LEMD2: variants seen among roughly 807,000 people sequenced by gnomAD.
The protein encoded by LEMD2 is LEM domain nuclear envelope protein 2, also known as LEM domain-containing protein 2.
A neutral mutation model predicts 58.8 loss-of-function variants in LEMD2; 34 were observed. The observed-to-expected ratio is 0.58, with a 90% CI of 0.44 to 0.77. LEMD2 has a LOEUF of 0.77. Ranked by LOEUF, LEMD2 falls within the 30% of genes least tolerant of loss-of-function variation. LEMD2 has a pLI of 0.00. For missense variants in LEMD2, 629 were observed against 717.9 expected (o/e 0.88, Z 1.42); for synonymous variants, 298 against 308.9 (o/e 0.96, Z 0.37).
rs752276518 is a variant in LEMD2 at position 33,778,254 on chromosome 6, T to G, written c.1144A>C (p.Ile382Leu). Residue 382 changes from isoleucine to leucine, a missense_variant, in exon 6 of 9, where the codon ATC (isoleucine) becomes CTC (leucine). Transcript: ENST00000293760. The surrounding 1 kb of genome is among the most constrained non-coding windows in gnomAD (Gnocchi z 4.7). Reference protein sequence around the residue: ...ALLTAVTNVLIFFWCLAFLWG... With the variant: ...ALLTAVTNVLLFFWCLAFLWG... Reference sequence around the variant, plus strand: ...GCCGAGGACTTACACCAGAAGAAGATGAGCACGTTGGTGACAGCAGTGAGC... The same window carrying G: ...GCCGAGGACTTACACCAGAAGAAGAGGAGCACGTTGGTGACAGCAGTGAGC... The G allele has an allele frequency of 6.3e-7, 1 of 1,597,714 alleles. No individual in the cohort carries two copies. The highest frequency in any genetic ancestry group is 8.5e-7 in the Non-Finnish European group (1 of 1,171,106).
chr6:33,778,316 G>T lies in LEMD2; in HGVS notation c.1082C>A (p.Pro361His). Residue 361 changes from proline to histidine, a missense_variant, in exon 6 of 9, where the codon CCC (proline) becomes CAC (histidine). Transcript: ENST00000293760. This position sits in a 1 kb window ranked among gnomAD's most constrained non-coding sequence, Gnocchi z 4.7. Reference sequence around the variant, plus strand: ...CAGGCGGCAGCCAACACCCATGCGGGGGTGGGCAGATTCCAGGCAGACCAC... The same window carrying T: ...CAGGCGGCAGCCAACACCCATGCGGTGGTGGGCAGATTCCAGGCAGACCAC... ...DKVVCLESAH[P>H]RMGVGCRLSR... 1 of 1,608,698 alleles carries T rather than the reference G, an allele frequency of 6.2e-7. No homozygotes were observed. Among genetic ancestry groups the T allele is most frequent in the Admixed American group, 1.7e-5 (1 of 59,268 alleles).
At chr6:33,784,195 G>A (rs558042832) in intron 3 of LEMD2, among the ~76,000 whole-genome samples, 157 bp downstream of exon 3, 180 of 152,360 alleles carry the variant, frequency 1.2e-3, no homozygotes, top group African/African-American at 4.2e-3. Context: ...CCTGAGTGAG[G>A]AGGCGAGAAG....
intron 7 of LEMD2, 31 bp downstream of exon 7, chr6:33,777,107 G>A: frequency 6.2e-7 from 1 of 1,609,366 alleles, no homozygotes; most frequent in Non-Finnish European, 8.5e-7. Context: ...GCTGGCGTCG[G>A]CAACCCTTTA....
intron 7 of LEMD2, 36 bp downstream of exon 7, chr6:33,777,102 C>A: frequency 6.2e-7 from 1 of 1,610,134 alleles, no homozygotes; most frequent in Non-Finnish European, 8.5e-7. Context: ...CTCTGGCTGG[C>A]GTCGGCAACC....
At chr6:33,780,755 C>T (rs953679193) in intron 4 of LEMD2, among the ~76,000 whole-genome samples, 7 of 152,178 alleles carry the variant, frequency 4.6e-5, no homozygotes, top group African/African-American at 9.7e-5. Flanking sequence ...GGAGAAGGGA[C>T]AGCATGTTTC....
Position 33,778,242 on chromosome 6 carries a change from A to G in LEMD2, c.1156T>C (p.Cys386Arg). The change falls in exon 6 of 9, where the codon TGC becomes CGC. Residue 386 changes from cysteine to arginine, a missense_variant and splice_region_variant. Physicochemically the swap from Cys to Arg is radical, Grantham distance 180. Coordinates refer to ENST00000293760, the MANE Select transcript of LEMD2 (RefSeq NM_181336.4). This position sits in a 1 kb window ranked among gnomAD's most constrained non-coding sequence, Gnocchi z 4.7. ...AVTNVLIFFW[C>R]LAFLWGLLIL... ...GGAGGGAAGGCGGCCGAGGACTTAC[A>G]CCAGAAGAAGATGAGCACGTTGGTG... 6.3e-7 allele frequency: 1 copy of G among 1,591,586 alleles called. No individual in the cohort carries two copies. The highest frequency in any genetic ancestry group is 8.6e-7 in the Non-Finnish European group (1 of 1,167,674).
At chr6:33,782,538 A>G (rs998737131) in intron 3 of LEMD2, among the ~76,000 whole-genome samples, 1 of 152,146 alleles carries the variant, frequency 6.6e-6, no homozygotes, top group Non-Finnish European at 1.5e-5. Flanking sequence ...CCCCACATAC[A>G]TGTAACCAGT....
At chr6:33,775,380 T>C (rs570207769) in intron 8 of LEMD2, among the ~76,000 whole-genome samples, 8 of 152,140 alleles carry the variant, frequency 5.3e-5, no homozygotes, top group African/African-American at 9.7e-5. Context: ...TGCAGTGGCA[T>C]AGTTATAGCT....
chr6:33,786,816 T>G, intron 1 of LEMD2, 42 bp from the exon 2 acceptor site: 9 of 1,610,240 alleles, frequency 5.6e-6, no homozygotes, highest in Non-Finnish European at 7.6e-6. Context: ...TAAGTGTGGG[T>G]TGAGAAAGGA....
rs772743802 is a variant in LEMD2 at position 33,781,126 on chromosome 6, T to C, written c.881A>G (p.Asn294Ser). Reference sequence around the variant, plus strand: ...AACAGGAATGCATTTGCTTTTTAGATTCTCTGGATTTCCACACTCAAAATT... The same window carrying C: ...AACAGGAATGCATTTGCTTTTTAGACTCTCTGGATTTCCACACTCAAAATT... ...AGNFECGNPE[N>S]LKSKCIPVME... Residue 294 changes from asparagine to serine, a missense_variant, in exon 4 of 9, where the codon AAT becomes AGT. Physicochemically the swap from Asn to Ser is conservative, Grantham distance 46. Around this residue, in one of 2 missense-constraint regions of LEMD2, gnomAD observed 243 missense variants for 336.8 expected, o/e 0.72. Coordinates refer to ENST00000293760, the MANE Select transcript of LEMD2 (RefSeq NM_181336.4). 36 of 1,612,814 alleles carry C rather than the reference T, an allele frequency of 2.2e-5. No individual in the cohort carries two copies. Among genetic ancestry groups the C allele is most frequent in the Non-Finnish European group, 2.9e-5 (34 of 1,179,144 alleles).
chr6:33,776,891 G>C, intron 8 of LEMD2, 63 bp downstream of exon 8: 1 of 1,334,178 alleles, frequency 7.5e-7, no homozygotes, highest in Non-Finnish European at 1.1e-6. Flanking sequence ...GTTTCCTTCT[G>C]GGGAGCTCAG....
At chr6:33,785,162 C>T (rs534044469) in intron 2 of LEMD2, among the ~76,000 whole-genome samples, 2 of 152,196 alleles carry the variant, frequency 1.3e-5, no homozygotes, top group Admixed American at 6.5e-5. Context: ...TTCAAATGCC[C>T]GTCTGTGATC....
chr6:33,787,051 C>T, intron 1 of LEMD2: 1 of 482,394 alleles, frequency 2.1e-6, no homozygotes, highest in Non-Finnish European at 3.5e-6. Context: ...GAACCTCTGT[C>T]TCCTCGTCTG....
At chr6:33,784,486 T>C (rs1029578498) in intron 2 of LEMD2, 59 bp from the exon 3 acceptor site, 10 of 819,482 alleles carry the variant, frequency 1.2e-5, no homozygotes, top group Non-Finnish European at 1.8e-5. Flanking sequence ...GGTCCGTCTG[T>C]CCATCTTTAC....
intron 3 of LEMD2, chr6:33,781,495 G>T: frequency 4.5e-6 from 1 of 222,534 alleles, no homozygotes; most frequent in Non-Finnish European, 8.8e-6. Context: ...AACACAGCCT[G>T]AGAAAAAAGA....
intron 1 of LEMD2, 141 bp from the exon 2 acceptor site, chr6:33,786,915 G>T: frequency 6.8e-7 from 1 of 1,461,118 alleles, no homozygotes; most frequent in Non-Finnish European, 9.0e-7. Context: ...TCTAAGGAAG[G>T]CACTTTTAAA....
chr6:33,777,251 C>G lies in LEMD2; in HGVS notation c.1157-12G>C. The G allele has an allele frequency of 2.6e-6, 4 of 1,547,704 alleles. No homozygotes were observed. Among genetic ancestry groups the G allele is most frequent in the Non-Finnish European group, 3.6e-6 (4 of 1,119,486 alleles). On this transcript the variant is annotated splice_polypyrimidine_tract_variant and intron_variant, in intron 6 of 8. Coordinates refer to ENST00000293760, the MANE Select transcript of LEMD2 (RefSeq NM_181336.4). Reference sequence around the variant, plus strand: ...CAAAAAAGCCAAGCCTGTGAGGGAACAAAACACTGTTAATCCCTCACACTT... The same window carrying G: ...CAAAAAAGCCAAGCCTGTGAGGGAAGAAAACACTGTTAATCCCTCACACTT...
Position 33,778,688 on chromosome 6 carries a change from C to T in LEMD2, c.1011-301G>A, listed in dbSNP as rs1352785961. The T allele has an allele frequency of 3.7e-6, 1 of 272,454 alleles. No homozygotes were observed. The highest frequency in any genetic ancestry group is 6.8e-6 in the Non-Finnish European group (1 of 146,504). The allele number at this position is 272,454 out of a possible 1,614,324, so 16.9% of individuals were successfully genotyped here. A position where few individuals can be genotyped will look rare whatever the true frequency, so the allele number is the denominator to read the frequency against. On this transcript the variant is annotated intron_variant, in intron 5 of 8. Transcript: ENST00000293760. The surrounding 1 kb of genome is among the most constrained non-coding windows in gnomAD (Gnocchi z 4.7). Reference sequence around the variant, plus strand: ...GAGATTAAACTGTAAATTGGATTCCCACCTCCCAGCATAGAGAAATGGAAA... The same window carrying T: ...GAGATTAAACTGTAAATTGGATTCCTACCTCCCAGCATAGAGAAATGGAAA...
Position 33,778,202 on chromosome 6 carries a change from T to G in LEMD2, c.1156+40A>C, listed in dbSNP as rs908955093. The stretch of plus-strand genomic sequence containing the variant: ...CATCATTCATGCCTAGGAGTATGCT[T>G]GACTGCACAGAAGGGGAGGGAAGGC... On this transcript the variant is annotated intron_variant, in intron 6 of 8. Coordinates refer to ENST00000293760, the MANE Select transcript of LEMD2 (RefSeq NM_181336.4). The surrounding 1 kb of genome is among the most constrained non-coding windows in gnomAD (Gnocchi z 4.7). The G allele has an allele frequency of 1.6e-5, 25 of 1,537,178 alleles. No individual in the cohort carries two copies. Among genetic ancestry groups the G allele is most frequent in the Non-Finnish European group, 2.1e-5 (24 of 1,138,150 alleles).
Sources: allele counts gnomAD v4.1 joint callset (sites outside exome capture counted in the v4.1 genomes callset), GRCh38; gene constraint gnomAD v4.1.1; regional missense constraint gnomAD v4.1.1; non-coding constraint Gnocchi (gnomAD v3.1); transcripts MANE v1.5; gene names NCBI Gene and HGNC (gene_info 2026-07-23, HGNC 2026-07-21).